Variants in PARD3 observed in about 807,000 individuals in gnomAD.
The protein encoded by PARD3 is partitioning defective 3 homolog.
In PARD3, 75 loss-of-function variants were observed where a neutral mutation model predicts 155.4. The ratio of observed to expected loss-of-function variants is 0.48; its 90% confidence interval spans 0.40 to 0.58. The LOEUF (loss-of-function observed/expected upper bound fraction) is 0.58. PARD3 is among the 20% of genes least tolerant of loss of function. PARD3 has a pLI of 0.00. For missense variants in PARD3, 1,642 were observed against 1,721.7 expected (o/e 0.95, Z 0.82); for synonymous variants, 576 against 610.5 (o/e 0.94, Z 0.83).
intron 7 of PARD3, among the ~76,000 whole-genome samples, chr10:34,385,818 A>C (rs951172130): frequency 2.0e-5 from 3 of 152,240 alleles, no homozygotes; most frequent in African/African-American, 7.2e-5. Flanking sequence ...GACAGAGAAC[A>C]TAAGATTCAG....
intron 5 of PARD3, among the ~76,000 whole-genome samples, chr10:34,412,503 T>C (rs1245140483): frequency 6.6e-6 from 1 of 152,208 alleles, no homozygotes; most frequent in Non-Finnish European, 1.5e-5. Flanking sequence ...TTTAGAAATA[T>C]TTCTTACCAG....
intron 20 of PARD3, among the ~76,000 whole-genome samples, chr10:34,284,668 A>C (rs1278245083): frequency 6.6e-6 from 1 of 152,214 alleles, no homozygotes; most frequent in Non-Finnish European, 1.5e-5. Context: ...TCTTTCCATA[A>C]ACAACTATTC....
At chr10:34,669,984 G>A (rs564191368) in intron 2 of PARD3, among the ~76,000 whole-genome samples, 3 of 152,204 alleles carry the variant, frequency 2.0e-5, no homozygotes, top group South Asian at 4.1e-4. Context: ...TTCAAAGTTA[G>A]ATAACCAGAA....
chr10:34,447,796 C>A (rs2076828001), intron 5 of PARD3, among the ~76,000 whole-genome samples: 1 of 61,862 alleles, frequency 1.6e-5, no homozygotes. Flanking sequence ...CACAGCAAGA[C>A]TCTGTCTCAA....
chr10:34,537,293 C>T (rs1390222392), intron 2 of PARD3, among the ~76,000 whole-genome samples: 1 of 152,206 alleles, frequency 6.6e-6, no homozygotes, highest in Non-Finnish European at 1.5e-5. Context: ...CCACGTCTGG[C>T]CCGTATTCTA....
At position 34,213,552 on chromosome 10, in the gene PARD3, T is replaced by C. The variant is rs186117336; in HGVS notation, c.3419+56105A>G. 1.7e-3 allele frequency among the ~76,000 whole-genome samples: 254 copies of C among 152,336 alleles called. 1 individual carries two copies. The highest frequency in any genetic ancestry group is 5.5e-3 in the African/African-American group (228 of 41,578). On this transcript the variant is annotated intron_variant, in intron 22 of 24. Transcript: ENST00000374788. ...ATTCCACTCAGGCCTGGAAAGCCTA[T>C]TGGTCTAACTTGACTCAGTTAATGA...
At chr10:34,486,359 T>C (rs553165948) in intron 3 of PARD3, among the ~76,000 whole-genome samples, 1 of 152,142 alleles carries the variant, frequency 6.6e-6, no homozygotes, top group East Asian at 1.9e-4. Flanking sequence ...TCCATTCAGT[T>C]GGTTAGGGGT....
chr10:34,690,029 C>G (rs1437440972), intron 2 of PARD3, among the ~76,000 whole-genome samples: 1 of 152,138 alleles, frequency 6.6e-6, no homozygotes. Context: ...CTGCAACCTC[C>G]GTCCCCTGGG....
At chr10:34,519,582 G>A (rs187541069) in intron 2 of PARD3, among the ~76,000 whole-genome samples, 6 of 152,222 alleles carry the variant, frequency 3.9e-5, no homozygotes, top group African/African-American at 1.4e-4. Context: ...GGGAGGCCTA[G>A]GCGGGCGGAT....
At chr10:34,148,383 C>T (rs1948621407) in intron 22 of PARD3, among the ~76,000 whole-genome samples, 1 of 152,172 alleles carries the variant, frequency 6.6e-6, no homozygotes, top group African/African-American at 2.4e-5. Context: ...TGTAATGTCT[C>T]TACAGACTGG....
At chr10:34,758,257 T>C (rs1311328675) in intron 1 of PARD3, among the ~76,000 whole-genome samples, 2 of 152,178 alleles carry the variant, frequency 1.3e-5, no homozygotes, top group Admixed American at 1.3e-4. Context: ...TATCCAACAA[T>C]TTCCACATGC....
chr10:34,795,321 G>T (rs968156409), intron 1 of PARD3, among the ~76,000 whole-genome samples: 3 of 152,180 alleles, frequency 2.0e-5, no homozygotes, highest in African/African-American at 7.2e-5. Context: ...GTAGTAAAAC[G>T]TATTTCAGAG....
chr10:34,143,292 A>T (rs1657608725), intron 22 of PARD3, among the ~76,000 whole-genome samples: 1 of 142,386 alleles, frequency 7.0e-6, no homozygotes, highest in South Asian at 2.2e-4. Flanking sequence ...GCCTGGCAAC[A>T]GAGCAAGACT....
chr10:34,251,871 T>C (rs1354231712), intron 22 of PARD3, among the ~76,000 whole-genome samples: 1 of 152,162 alleles, frequency 6.6e-6, no homozygotes, highest in African/African-American at 2.4e-5. Flanking sequence ...GCTGTGCTGA[T>C]GAGGAGTTTG....
At chr10:34,157,767 T>A (rs1440680416) in intron 22 of PARD3, among the ~76,000 whole-genome samples, 31 of 152,296 alleles carry the variant, frequency 2.0e-4, no homozygotes, top group African/African-American at 5.5e-4. Context: ...TTTTCATGGT[T>A]CTGATACACA....
At chr10:34,700,474 GA>G (rs1348917125) in intron 1 of PARD3, among the ~76,000 whole-genome samples, 12 of 152,134 alleles carry the variant, frequency 7.9e-5, no homozygotes, top group African/African-American at 2.9e-4. Flanking sequence ...CAAATTTCAA[GA>G]AAAGTATCTG....
intron 3 of PARD3, among the ~76,000 whole-genome samples, chr10:34,513,373 G>A (rs1404348275): frequency 1.3e-5 from 2 of 152,100 alleles, no homozygotes; most frequent in East Asian, 1.9e-4. Flanking sequence ...TCCACCTCCC[G>A]GGTTCAAGAG....
At chr10:34,808,951 T>C (rs1416167695) in intron 1 of PARD3, among the ~76,000 whole-genome samples, 1 of 152,194 alleles carries the variant, frequency 6.6e-6, no homozygotes, top group African/African-American at 2.4e-5. Flanking sequence ...CATAGGTGTG[T>C]TCCAGGGCCA....
intron 22 of PARD3, among the ~76,000 whole-genome samples, chr10:34,180,055 G>GT (rs933528330): frequency 2.8e-3 from 414 of 148,028 alleles, no homozygotes; most frequent in Non-Finnish European, 3.9e-3. Context: ...AAGCATTTTT[G>GT]TTTTTTTTTT....
Sources: gnomAD v4.1 joint callset for allele counts (sites outside exome capture counted in the v4.1 genomes callset) on GRCh38, gnomAD v4.1.1 for gene constraint, MANE v1.5 for transcripts, NCBI Gene and HGNC (gene_info 2026-07-23, HGNC 2026-07-21) for gene names.